The following CDH6 variants were observed in gnomAD, a reference collection of about 807,000 sequenced individuals.
CDH6 encodes the protein cadherin 6, also known as cadherin-6.
Under a neutral mutation model 78.0 loss-of-function variants are expected in CDH6, and 31 were observed. That is an observed-to-expected ratio of 0.40 (90% confidence interval 0.30 to 0.54). The LOEUF (loss-of-function observed/expected upper bound fraction) is 0.54. Among genes scored for constraint, CDH6 ranks in the 20% least tolerant of loss-of-function variants. The pLI is 0.56. For synonymous variants in CDH6, 376 were observed against 368.8 expected (o/e 1.02, Z -0.23); for missense variants, 724 against 975.9 (o/e 0.74, Z 3.44).
intron 1 of CDH6, among the ~76,000 whole-genome samples, chr5:31,229,534 C>T (rs988231347): frequency 1.3e-5 from 2 of 152,146 alleles, no homozygotes; most frequent in African/African-American, 2.4e-5. Context: ...AATTTGGAAG[C>T]TTTTATAGGT....
chr5:31,281,619 T>C (rs1418241455), intron 2 of CDH6, among the ~76,000 whole-genome samples: 4 of 152,200 alleles, frequency 2.6e-5, no homozygotes, highest in East Asian at 1.9e-4. Context: ...CAATGCCTTT[T>C]TGGGGAAATA....
intron 1 of CDH6, among the ~76,000 whole-genome samples, chr5:31,240,979 CAT>C (rs1298769621): frequency 6.6e-6 from 1 of 152,224 alleles, no homozygotes; most frequent in African/African-American, 2.4e-5. Flanking sequence ...GTTCCAGTGT[CAT>C]ATGTAATCTA....
At chr5:31,302,384 A>G in intron 6 of CDH6, 86 bp downstream of exon 6, 2 of 957,068 alleles carry the variant, frequency 2.1e-6, no homozygotes, top group East Asian at 2.5e-5. Flanking sequence ...TATATCTCAC[A>G]TAAACATTCC....
At chr5:31,194,185 C>G (rs1318135439) in intron 1 of CDH6, among the ~76,000 whole-genome samples, 1 of 151,708 alleles carries the variant, frequency 6.6e-6, no homozygotes, top group Admixed American at 6.6e-5. Flanking sequence ...CACCGGGAAG[C>G]GGGCCGCCGC....
chr5:31,215,890 C>T (rs2111818844), intron 1 of CDH6, among the ~76,000 whole-genome samples: 1 of 152,116 alleles, frequency 6.6e-6, no homozygotes, highest in South Asian at 2.1e-4. Context: ...AGCAAATTTC[C>T]ACATAGCAAC....
intron 7 of CDH6, among the ~76,000 whole-genome samples, chr5:31,306,687 C>G (rs539539545): frequency 2.0e-5 from 3 of 152,204 alleles, no homozygotes; most frequent in African/African-American, 7.2e-5. Flanking sequence ...GGTCAAGGTG[C>G]CAGCCAAGTG....
intron 7 of CDH6, among the ~76,000 whole-genome samples, chr5:31,310,843 T>G (rs1738128584): frequency 6.6e-6 from 1 of 152,230 alleles, no homozygotes; most frequent in Non-Finnish European, 1.5e-5. Flanking sequence ...CAGGATGCCA[T>G]GTCCCAAGGC....
Position 31,326,138 on chromosome 5 carries a change from A to G in CDH6, c.*2830A>G, listed in dbSNP as rs984401701. 1 of 229,464 alleles carries G rather than the reference A, an allele frequency of 4.4e-6. No homozygotes were observed. The highest frequency in any genetic ancestry group is 8.6e-6 in the Non-Finnish European group (1 of 116,310). The allele number at this position is 229,464 out of a possible 1,614,324, so 14.2% of individuals were successfully genotyped here. A position where few individuals can be genotyped will look rare whatever the true frequency, so the allele number is the denominator to read the frequency against. On this transcript the variant is annotated 3_prime_UTR_variant, in exon 12 of 12. Coordinates refer to ENST00000265071, the MANE Select transcript of CDH6 (RefSeq NM_004932.4). ...ATTTTAGATGTTGGTGATGGGAAAG[A>G]TGGAAGGAGAGTGGGAAGAAGTAAA...
intron 2 of CDH6, among the ~76,000 whole-genome samples, chr5:31,284,474 C>T (rs1216234267): frequency 1.3e-5 from 2 of 152,210 alleles, no homozygotes; most frequent in Non-Finnish European, 2.9e-5. Flanking sequence ...GTGGGTTTTT[C>T]CCACTTGCCC....
Position 31,305,211 on chromosome 5 carries a change from A to G in CDH6, c.1037A>G (p.Lys346Arg), listed in dbSNP as rs1737950435. 1 of 1,614,056 alleles carries G rather than the reference A, an allele frequency of 6.2e-7. No homozygotes were observed. Among genetic ancestry groups the G allele is most frequent in the Non-Finnish European group, 8.5e-7 (1 of 1,179,972 alleles). ...GAAAAGAAGAAAGTGTATACCCTTA[A>G]AGTGGAAGCCTCCAATCCTTATGTT... ...DFEKKKVYTL[K>R]VEASNPYVEP... Residue 346 changes from lysine (K) to arginine (R), a missense_variant, in exon 7 of 12, where the codon AAA (lysine) becomes AGA (arginine). Coordinates refer to ENST00000265071, the MANE Select transcript of CDH6 (RefSeq NM_004932.4).
intron 6 of CDH6, among the ~76,000 whole-genome samples, chr5:31,302,954 A>AGAAAGAAG (rs1491181731): frequency 8.6e-4 from 111 of 129,734 alleles, no homozygotes; most frequent in Middle Eastern, 7.5e-3. Flanking sequence ...AAAGAAAGAA[A>AGAAAGAAG]GAAGGAAAGA....
chr5:31,320,368 A>G (rs655619), intron 11 of CDH6, among the ~76,000 whole-genome samples: 68,607 of 152,094 alleles, frequency 0.45, 17,264 homozygotes, highest in Non-Finnish European at 0.54. Flanking sequence ...TCAGACGTGC[A>G]TAAGACTAAA....
rs1737950435 is a variant in CDH6 at position 31,305,211 on chromosome 5, A to C, written c.1037A>C (p.Lys346Thr). The change falls in exon 7 of 12, where the codon AAA becomes ACA. Residue 346 changes from lysine to threonine, a missense_variant. Coordinates refer to ENST00000265071, the MANE Select transcript of CDH6 (RefSeq NM_004932.4). ...DFEKKKVYTL[K>T]VEASNPYVEP... ...GAAAAGAAGAAAGTGTATACCCTTA[A>C]AGTGGAAGCCTCCAATCCTTATGTT... The C allele has an allele frequency of 1.9e-6, 3 of 1,613,936 alleles. No homozygotes were observed. The highest frequency in any genetic ancestry group is 2.5e-6 in the Non-Finnish European group (3 of 1,179,978).
chr5:31,254,752 G>T (rs1742009155), intron 1 of CDH6, among the ~76,000 whole-genome samples: 1 of 152,148 alleles, frequency 6.6e-6, no homozygotes, highest in South Asian at 2.1e-4. Context: ...ACTTATTTTT[G>T]ATATTTTTTC....
chr5:31,253,804 C>T (rs1182251870), intron 1 of CDH6, among the ~76,000 whole-genome samples: 1 of 151,168 alleles, frequency 6.6e-6, no homozygotes, highest in Non-Finnish European at 1.5e-5. Context: ...GACAGCCAAA[C>T]TATAACAGGA....
At chr5:31,256,206 A>G (rs970983398) in intron 1 of CDH6, among the ~76,000 whole-genome samples, 3 of 152,234 alleles carry the variant, frequency 2.0e-5, no homozygotes, top group East Asian at 1.9e-4. Flanking sequence ...AACAACTCCA[A>G]AAAGCAAAGC....
chr5:31,304,160 C>A (rs1432521336), intron 6 of CDH6, among the ~76,000 whole-genome samples: 1 of 151,410 alleles, frequency 6.6e-6, no homozygotes, highest in East Asian at 1.9e-4. Flanking sequence ...TATTTCATTA[C>A]CTCATGCAAA....
chr5:31,279,078 A>G (rs982202592), intron 2 of CDH6, among the ~76,000 whole-genome samples: 1 of 152,212 alleles, frequency 6.6e-6, no homozygotes, highest in African/African-American at 2.4e-5. Context: ...TAAGAAAAGC[A>G]TTATACTTGA....
chr5:31,300,124 T>C (rs1272466102), intron 5 of CDH6, among the ~76,000 whole-genome samples: 1 of 152,196 alleles, frequency 6.6e-6, no homozygotes, highest in Non-Finnish European at 1.5e-5. Context: ...TTTTCTACAT[T>C]ATGGTTAGTT....
Sources: gnomAD v4.1 joint callset for allele counts (sites outside exome capture counted in the v4.1 genomes callset) on GRCh38, gnomAD v4.1.1 for gene constraint, MANE v1.5 for transcripts, NCBI Gene and HGNC (gene_info 2026-07-23, HGNC 2026-07-21) for gene names.